The following NDST4 variants were observed in gnomAD, a reference collection of about 807,000 sequenced individuals.
NDST4 encodes N-heparan sulfate sulfotransferase 4.
In NDST4, 63 loss-of-function variants were observed where a neutral mutation model predicts 100.8. The ratio of observed to expected loss-of-function variants is 0.62; its 90% CI spans 0.51 to 0.77. The LOEUF (loss-of-function observed/expected upper bound fraction) is 0.77. NDST4 is among the 30% of genes least tolerant of loss of function. The pLI is 0.00. For synonymous variants in NDST4, 377 were observed against 361.8 expected (o/e 1.04, Z -0.48); for missense variants, 943 against 1,018.4 (o/e 0.93, Z 1.01).
In NDST4 at chr4:115,043,043, A is replaced by T. The variant is rs377683015; in HGVS notation, c.978+33016T>A. Among the ~76,000 whole-genome samples the T allele has an allele frequency of 1.4e-3, 215 of 152,148 alleles. 3 individuals carry two copies. Among genetic ancestry groups the T allele is most frequent in the African/African-American group, 4.7e-3 (197 of 41,548 alleles). On this transcript the variant is annotated intron_variant, in intron 2 of 13. Coordinates refer to ENST00000264363, the MANE Select transcript of NDST4 (RefSeq NM_022569.3). ...ATGTTTAGGTACACTAAAAATGCAG[A>T]TCAACTTATTTACCACTACACATGC... is the stretch of plus-strand genomic sequence containing the variant.
intron 1 of NDST4, among the ~76,000 whole-genome samples, chr4:115,089,230 A>C (rs890514194): frequency 3.9e-5 from 6 of 151,964 alleles, no homozygotes; most frequent in African/African-American, 1.4e-4. Flanking sequence ...AAGGATATAA[A>C]ATGGTTTATA....
chr4:114,906,195 A>C (rs1326982189), intron 6 of NDST4, among the ~76,000 whole-genome samples: 1 of 152,080 alleles, frequency 6.6e-6, no homozygotes, highest in Non-Finnish European at 1.5e-5. Context: ...TATTAAAAAA[A>C]CAAGGGAGAA....
chr4:114,952,701 A>T (rs547786864), intron 4 of NDST4, among the ~76,000 whole-genome samples: 85 of 152,304 alleles, frequency 5.6e-4, no homozygotes, highest in African/African-American at 2.0e-3. Flanking sequence ...TAAGCCAGTT[A>T]AGAAATTTTT....
At chr4:115,043,973 G>A (rs922997915) in intron 2 of NDST4, among the ~76,000 whole-genome samples, 3 of 151,998 alleles carry the variant, frequency 2.0e-5, no homozygotes, top group East Asian at 1.9e-4. Context: ...ATAAACATGC[G>A]TTTTAGATGC....
chr4:115,075,910 C>G lies in NDST4; in HGVS notation c.978+149G>C, dbSNP rs541724076. 8.4e-4 allele frequency: 742 copies of G among 886,410 alleles called. 2 individuals are homozygous for G. Among genetic ancestry groups the G allele is most frequent in the Non-Finnish European group, 1.2e-3 (705 of 604,804 alleles). The allele number at this position is 886,410 out of a possible 1,614,324, so 54.9% of individuals were successfully genotyped here. A position where few individuals can be genotyped will look rare whatever the true frequency, so the allele number is the denominator to read the frequency against. ...ATGTGTGTGTAAAGAATGGTTAAGT[C>G]TTGGTTCAATATTTTTCTAAATGGC... On this transcript the variant is annotated intron_variant, in intron 2 of 13. Transcript: ENST00000264363.
intron 2 of NDST4, among the ~76,000 whole-genome samples, chr4:115,049,802 C>T (rs1044156935): frequency 6.6e-6 from 1 of 152,034 alleles, no homozygotes; most frequent in African/African-American, 2.4e-5. Context: ...TTATGGCATT[C>T]AAGTGGGAAG....
chr4:115,081,525 C>T (rs761833635), intron 1 of NDST4, among the ~76,000 whole-genome samples: 13 of 151,930 alleles, frequency 8.6e-5, no homozygotes, highest in Non-Finnish European at 1.8e-4. Flanking sequence ...GGAGAGCAAC[C>T]AACATAAGAA....
At chr4:114,912,082 T>C (rs376557202) in intron 6 of NDST4, among the ~76,000 whole-genome samples, 183 of 152,230 alleles carry the variant, frequency 1.2e-3, no homozygotes, top group African/African-American at 4.2e-3. Flanking sequence ...GGGAAATTAG[T>C]TGTGAAAATT....
intron 2 of NDST4, among the ~76,000 whole-genome samples, chr4:114,989,461 G>A (rs1726988738): frequency 6.6e-6 from 1 of 152,184 alleles, no homozygotes; most frequent in South Asian, 2.1e-4. Context: ...TGGAGATTCA[G>A]TTTTGAATGA....
intron 6 of NDST4, among the ~76,000 whole-genome samples, chr4:114,921,082 C>G (rs1725276296): frequency 1.3e-5 from 2 of 152,076 alleles, no homozygotes; most frequent in South Asian, 4.1e-4. Context: ...AAACAAAGAA[C>G]TTAGTGTTTC....
At chr4:114,937,835 G>A (rs545827678) in intron 4 of NDST4, among the ~76,000 whole-genome samples, 4 of 149,636 alleles carry the variant, frequency 2.7e-5, no homozygotes, top group East Asian at 2.0e-4. Context: ...TTGAGGAAGC[G>A]CTCAAATATG....
chr4:114,871,288 A>G (rs1366555647), intron 6 of NDST4, among the ~76,000 whole-genome samples: 1 of 152,134 alleles, frequency 6.6e-6, no homozygotes, highest in Non-Finnish European at 1.5e-5. Context: ...CAGTTCTAAA[A>G]TTAAACAATT....
chr4:115,022,374 TGTAC>T (rs1338865711), intron 2 of NDST4, among the ~76,000 whole-genome samples: 3 of 62,442 alleles, frequency 4.8e-5, no homozygotes, highest in South Asian at 4.2e-4. Flanking sequence ...ATGTGTTCCA[TGTAC>T]ATATGTGTTC....
chr4:114,983,116 C>G (rs961513967), intron 2 of NDST4, among the ~76,000 whole-genome samples: 1 of 152,182 alleles, frequency 6.6e-6, no homozygotes, highest in African/African-American at 2.4e-5. Flanking sequence ...AGGAGCAGAG[C>G]CCTCATGGAG....
chr4:114,860,002 A>C (rs1473067757), intron 7 of NDST4, among the ~76,000 whole-genome samples: 3 of 152,186 alleles, frequency 2.0e-5, no homozygotes, highest in Non-Finnish European at 4.4e-5. Flanking sequence ...ATACATTTCT[A>C]TCCCTGCTCT....
At chr4:115,107,243 T>C (rs1187447322) in intron 1 of NDST4, among the ~76,000 whole-genome samples, 8 of 152,076 alleles carry the variant, frequency 5.3e-5, no homozygotes, top group Non-Finnish European at 8.8e-5. Flanking sequence ...TTTGAGATAA[T>C]TTACACACAT....
At chr4:114,982,416 C>T (rs1008814178) in intron 2 of NDST4, among the ~76,000 whole-genome samples, 4 of 152,110 alleles carry the variant, frequency 2.6e-5, no homozygotes, top group African/African-American at 9.7e-5. Context: ...AGCAAAGAGA[C>T]TAGAGGAATT....
intron 2 of NDST4, among the ~76,000 whole-genome samples, chr4:115,044,151 A>G (rs1427864814): frequency 2.0e-5 from 3 of 152,304 alleles, no homozygotes; most frequent in East Asian, 3.9e-4. Flanking sequence ...CTTTAATTTA[A>G]GAATCAAATA....
In NDST4 at chr4:114,896,803, TTC is replaced by T. The variant is rs111390290; in HGVS notation, c.1537-25855_1537-25854del. 1.6e-3 allele frequency among the ~76,000 whole-genome samples: 237 copies of T among 152,330 alleles called. 1 individual carries two copies. Among genetic ancestry groups the T allele is most frequent in the African/African-American group, 5.1e-3 (211 of 41,584 alleles). On this transcript the variant is annotated intron_variant, in intron 6 of 13. Transcript: ENST00000264363. ...TTTTAGTATCACTATACTTGTTTTT[TTC>T]TGTTTGCATGTTTTTAAACATTTAT...
Sources: gnomAD v4.1 joint callset for allele counts (sites outside exome capture counted in the v4.1 genomes callset) on GRCh38, gnomAD v4.1.1 for gene constraint, MANE v1.5 for transcripts, NCBI Gene and HGNC (gene_info 2026-07-23, HGNC 2026-07-21) for gene names.